The following NCALD variants were observed in gnomAD, a reference collection of about 807,000 sequenced individuals.
NCALD encodes the protein neurocalcin delta, also known as neurocalcin-delta.
NCALD carries 10 observed loss-of-function variants against 18.6 expected under a neutral mutation model. The observed-to-expected ratio is 0.54, with a 90% CI of 0.33 to 0.91. NCALD has a LOEUF of 0.91. NCALD is among the 40% of genes least tolerant of loss of function. NCALD has a pLI of 0.03. For missense variants in NCALD, 184 were observed against 247.6 expected (o/e 0.74, Z 1.72); for synonymous variants, 88 against 87.4 (o/e 1.01, Z -0.04).
At chr8:101,828,763 G>T (rs1342417142) in intron 4 of NCALD, among the ~76,000 whole-genome samples, 1 of 151,974 alleles carries the variant, frequency 6.6e-6, no homozygotes, top group Non-Finnish European at 1.5e-5. Flanking sequence ...ACCATGACCA[G>T]CTTCTTATTC....
At chr8:101,730,726 T>C (rs1563706151) in intron 1 of NCALD, among the ~76,000 whole-genome samples, 6 of 152,192 alleles carry the variant, frequency 3.9e-5, no homozygotes, top group Non-Finnish European at 8.8e-5. Context: ...TTCCCCTTGA[T>C]AGACATTTAG....
intron 4 of NCALD, among the ~76,000 whole-genome samples, chr8:101,857,431 C>T (rs1418482987): frequency 6.6e-6 from 1 of 152,150 alleles, no homozygotes. Context: ...CTTCTCTCTC[C>T]CACAGAACTC....
At chr8:101,925,858 G>A (rs890749263) in intron 2 of NCALD, among the ~76,000 whole-genome samples, 1 of 152,208 alleles carries the variant, frequency 6.6e-6, no homozygotes, top group African/African-American at 2.4e-5. Context: ...GGAAAGACAG[G>A]AGGAAATGAT....
intron 2 of NCALD, among the ~76,000 whole-genome samples, chr8:102,013,713 C>G (rs1334196326): frequency 6.6e-6 from 1 of 151,950 alleles, no homozygotes; most frequent in African/African-American, 2.4e-5. Flanking sequence ...ATGTCTCTCA[C>G]TAAGTGGGGA....
chr8:102,102,343 C>T (rs1247321630), intron 1 of NCALD, among the ~76,000 whole-genome samples: 1 of 152,160 alleles, frequency 6.6e-6, no homozygotes, highest in Non-Finnish European at 1.5e-5. Context: ...AGCGCAGAGA[C>T]GGAGGCAGAA....
intron 4 of NCALD, among the ~76,000 whole-genome samples, chr8:101,863,502 C>T (rs1815630893): frequency 6.6e-6 from 1 of 151,902 alleles, no homozygotes. Flanking sequence ...CATCAACTGC[C>T]TTCTCCCACC....
At chr8:101,835,717 T>A (rs751444151) in intron 4 of NCALD, among the ~76,000 whole-genome samples, 1 of 151,902 alleles carries the variant, frequency 6.6e-6, no homozygotes. Context: ...TGAGTGTGTG[T>A]GCATGCGTGT....
chr8:101,691,402 T>A, intron 3 of NCALD: 2 of 985,338 alleles, frequency 2.0e-6, no homozygotes, highest in Non-Finnish European at 2.4e-6. Flanking sequence ...AGAGTCCCAG[T>A]GGAAAGACCC....
chr8:101,925,447 A>G (rs146885005), intron 2 of NCALD, among the ~76,000 whole-genome samples: 3 of 152,328 alleles, frequency 2.0e-5, no homozygotes, highest in Non-Finnish European at 4.4e-5. Context: ...GTTGAAGGAT[A>G]GACACATATA....
At chr8:101,808,666 T>G (rs534079770) in intron 4 of NCALD, among the ~76,000 whole-genome samples, 2 of 152,312 alleles carry the variant, frequency 1.3e-5, no homozygotes, top group East Asian at 3.9e-4. Flanking sequence ...CAAACTTGTC[T>G]AAGACTTTTG....
chr8:101,917,672 A>G (rs1308012416), intron 2 of NCALD, among the ~76,000 whole-genome samples: 1 of 152,134 alleles, frequency 6.6e-6, no homozygotes. Context: ...AATACAAAAG[A>G]TCCTCAGAGA....
chr8:102,004,756 T>C (rs77095089), intron 2 of NCALD, among the ~76,000 whole-genome samples: 278 of 152,000 alleles, frequency 1.8e-3, no homozygotes, highest in Non-Finnish European at 3.4e-3. Flanking sequence ...CTTTGACAAA[T>C]CTGACAAAAA....
intron 4 of NCALD, among the ~76,000 whole-genome samples, chr8:101,809,310 C>T (rs1038841164): frequency 2.0e-5 from 3 of 152,136 alleles, no homozygotes; most frequent in Non-Finnish European, 2.9e-5. Flanking sequence ...TCTTCTTTCA[C>T]CCTGCCTGCC....
intron 1 of NCALD, among the ~76,000 whole-genome samples, chr8:101,769,018 A>G (rs1811471771): frequency 6.6e-6 from 1 of 152,106 alleles, no homozygotes; most frequent in Admixed American, 6.6e-5. Flanking sequence ...TTGGAGTCAG[A>G]GGTGAGGTGA....
intron 2 of NCALD, among the ~76,000 whole-genome samples, chr8:101,950,921 C>T (rs1489204055): frequency 6.6e-6 from 1 of 152,162 alleles, no homozygotes; most frequent in African/African-American, 2.4e-5. Context: ...ACTCAGATGG[C>T]AATAGGTACC....
intron 1 of NCALD, among the ~76,000 whole-genome samples, chr8:101,730,550 A>G (rs1038995595): frequency 6.6e-5 from 10 of 151,462 alleles, no homozygotes; most frequent in Non-Finnish European, 1.0e-4. Context: ...GATGTAGCTC[A>G]TTTACCCTTT....
At chr8:101,742,834 T>C (rs970810056) in intron 1 of NCALD, among the ~76,000 whole-genome samples, 1 of 152,102 alleles carries the variant, frequency 6.6e-6, no homozygotes, top group African/African-American at 2.4e-5. Flanking sequence ...ATCCAACCCC[T>C]GGACAGGCCC....
At chr8:101,768,263 A>C (rs1263414015) in intron 1 of NCALD, among the ~76,000 whole-genome samples, 1 of 152,262 alleles carries the variant, frequency 6.6e-6, no homozygotes, top group Non-Finnish European at 1.5e-5. Flanking sequence ...TCCCTCAGAC[A>C]GAGCAGAGTC....
At chr8:101,981,078 A>G (rs563858352) in intron 2 of NCALD, among the ~76,000 whole-genome samples, 20 of 152,376 alleles carry the variant, frequency 1.3e-4, no homozygotes, top group African/African-American at 4.3e-4. Flanking sequence ...TAATTCTTGT[A>G]TATCAATCAC....
Sources: gnomAD v4.1 joint callset for allele counts (sites outside exome capture counted in the v4.1 genomes callset) on GRCh38, gnomAD v4.1.1 for gene constraint, MANE v1.5 for transcripts, NCBI Gene and HGNC (gene_info 2026-07-23, HGNC 2026-07-21) for gene names.